SCFD2: variants seen among roughly 807,000 people sequenced by gnomAD.
The protein encoded by SCFD2 is sec1 family domain-containing protein 2.
SCFD2 carries 54 observed loss-of-function variants against 58.9 expected under a neutral mutation model. That is an observed-to-expected ratio of 0.92 (90% CI 0.74 to 1.15). The LOEUF is 1.15. SCFD2 is among the 50% of genes most tolerant of loss of function. The pLI is 0.00. For synonymous variants in SCFD2, 321 were observed against 335.9 expected (o/e 0.96, Z 0.49); for missense variants, 805 against 836.6 (o/e 0.96, Z 0.47).
intron 6 of SCFD2, among the ~76,000 whole-genome samples, chr4:52,914,139 C>G (rs887877155): frequency 1.3e-5 from 2 of 152,104 alleles, no homozygotes; most frequent in African/African-American, 4.8e-5. Context: ...CCCTGGAAAC[C>G]TGATAAAGGA....
In SCFD2 at chr4:53,218,404, A is replaced by G. The variant is rs545655269; in HGVS notation, c.1311+55422T>C. On this transcript the variant is annotated intron_variant, in intron 4 of 8. Transcript: ENST00000401642. The stretch of plus-strand genomic sequence containing the variant: ...CATTTCATTCATTTGATCTTCTGTC[A>G]CTGATACCCTTTCTTCCAGTTGTTC... Among the ~76,000 whole-genome samples the G allele has an allele frequency of 2.0e-5, 3 of 152,254 alleles. No homozygotes were observed. The East Asian group carries it at 5.8e-4, about 29-fold the overall frequency.
intron 3 of SCFD2, among the ~76,000 whole-genome samples, chr4:53,305,340 G>A (rs1732479597): frequency 6.6e-6 from 1 of 151,994 alleles, no homozygotes; most frequent in East Asian, 1.9e-4. Flanking sequence ...TAACATAAGG[G>A]TTCAATTTCA....
chr4:53,071,418 C>T (rs1245569101), intron 5 of SCFD2, among the ~76,000 whole-genome samples: 1 of 152,014 alleles, frequency 6.6e-6, no homozygotes, highest in Non-Finnish European at 1.5e-5. Context: ...GGTCCATGGA[C>T]CCCAAATTAA....
chr4:52,943,809 C>T (rs1473928656), intron 5 of SCFD2, among the ~76,000 whole-genome samples: 1 of 152,174 alleles, frequency 6.6e-6, no homozygotes, highest in Non-Finnish European at 1.5e-5. Flanking sequence ...TGCAATGGCT[C>T]TGTATCACCC....
chr4:52,895,613 A>C (rs1311354394), intron 7 of SCFD2, among the ~76,000 whole-genome samples: 2 of 152,152 alleles, frequency 1.3e-5, no homozygotes, highest in Middle Eastern at 6.3e-3. Context: ...GCTATTGTGA[A>C]TAGTGCCGCA....
At chr4:52,932,414 C>T (rs1250703454) in intron 5 of SCFD2, among the ~76,000 whole-genome samples, 1 of 152,216 alleles carries the variant, frequency 6.6e-6, no homozygotes, top group Non-Finnish European at 1.5e-5. Flanking sequence ...CTGCCTTCCC[C>T]ACCTCTTGTT....
chr4:53,090,249 T>C (rs1215703053), intron 5 of SCFD2, among the ~76,000 whole-genome samples: 2 of 152,120 alleles, frequency 1.3e-5, no homozygotes, highest in African/African-American at 2.4e-5. Flanking sequence ...GAACAAAAAA[T>C]AAGAAATCCA....
At chr4:53,348,839 C>T (rs542139180) in intron 2 of SCFD2, among the ~76,000 whole-genome samples, 3 of 151,990 alleles carry the variant, frequency 2.0e-5, no homozygotes, top group South Asian at 4.2e-4. Context: ...CTCAACCTCC[C>T]GAGTAGCTGG....
intron 8 of SCFD2, among the ~76,000 whole-genome samples, chr4:52,875,090 A>G (rs1358473210): frequency 6.6e-6 from 1 of 152,216 alleles, no homozygotes. Flanking sequence ...CAACTTGTAC[A>G]AGGACACACA....
At chr4:53,214,437 GTCTGCATAAATGTC>G (rs1728739253) in intron 4 of SCFD2, among the ~76,000 whole-genome samples, 1 of 151,988 alleles carries the variant, frequency 6.6e-6, no homozygotes, top group South Asian at 2.1e-4. Context: ...TGTGTTTTTT[GTCTGCATAAATGTC>G]TTCTTTTGAG....
chr4:53,300,083 A>G (rs1173113563), intron 3 of SCFD2, among the ~76,000 whole-genome samples: 14 of 152,192 alleles, frequency 9.2e-5, no homozygotes, highest in Non-Finnish European at 2.9e-5. Context: ...GACAGGATCA[A>G]ATTCACACAT....
intron 5 of SCFD2, among the ~76,000 whole-genome samples, chr4:53,134,511 T>C (rs1725883311): frequency 6.6e-6 from 1 of 152,208 alleles, no homozygotes. Flanking sequence ...TTTTAAAAAG[T>C]TGATGATAAT....
At chr4:53,079,638 TTGTGGC>T (rs555699071) in intron 5 of SCFD2, among the ~76,000 whole-genome samples, 361 of 152,344 alleles carry the variant, frequency 2.4e-3, no homozygotes, top group Non-Finnish European at 4.2e-3. Context: ...TATTGACTTC[TTGTGGC>T]TGTCCAAACT....
intron 4 of SCFD2, among the ~76,000 whole-genome samples, chr4:53,231,185 AACCCTTCTTAAT>A (rs1193471217): frequency 1.3e-5 from 2 of 152,292 alleles, no homozygotes; most frequent in Admixed American, 1.3e-4. Flanking sequence ...TTTAAAAAAA[AACCCTTCTTAAT>A]ACTGAACAAA....
chr4:52,936,121 G>A (rs565463659), intron 5 of SCFD2, among the ~76,000 whole-genome samples: 131 of 152,296 alleles, frequency 8.6e-4, no homozygotes, highest in African/African-American at 2.5e-3. Flanking sequence ...ACAGGTGTGA[G>A]CCACCGCACC....
intron 4 of SCFD2, among the ~76,000 whole-genome samples, chr4:53,254,361 C>T (rs758476882): frequency 9.7e-4 from 147 of 152,204 alleles, no homozygotes; most frequent in Non-Finnish European, 1.4e-3. Context: ...CATGCACTCA[C>T]TCCATCCTGC....
intron 5 of SCFD2, among the ~76,000 whole-genome samples, chr4:53,109,526 G>T (rs1246341028): frequency 1.3e-5 from 2 of 152,014 alleles, no homozygotes; most frequent in Admixed American, 6.5e-5. Context: ...CAAAGTCTCA[G>T]GATAAAAAAT....
chr4:52,918,132 G>C (rs1053372117), intron 6 of SCFD2, among the ~76,000 whole-genome samples: 2 of 148,480 alleles, frequency 1.3e-5, no homozygotes, highest in Non-Finnish European at 3.0e-5. Flanking sequence ...GCATGGAGCT[G>C]GGTAGAAAGC....
At chr4:52,966,647 T>TA (rs1295230626) in intron 5 of SCFD2, among the ~76,000 whole-genome samples, 5 of 152,138 alleles carry the variant, frequency 3.3e-5, no homozygotes, top group Non-Finnish European at 7.3e-5. Context: ...TTTAGATTTA[T>TA]AAAAAAAGTG....
Sources: gnomAD v4.1 joint callset for allele counts (sites outside exome capture counted in the v4.1 genomes callset) on GRCh38, gnomAD v4.1.1 for gene constraint, MANE v1.5 for transcripts, NCBI Gene and HGNC (gene_info 2026-07-23, HGNC 2026-07-21) for gene names.